NOL6: variants seen among roughly 807,000 people sequenced by gnomAD.
The protein encoded by NOL6 is nucleolar RNA-associated protein.
NOL6 carries 33 observed loss-of-function variants against 131.7 expected under a neutral mutation model. That is an observed-to-expected ratio of 0.25 (90% CI 0.19 to 0.33). The LOEUF (loss-of-function observed/expected upper bound fraction) is 0.33. NOL6 is among the 10% of genes least tolerant of loss of function. The pLI is 1.00. For missense variants in NOL6, 1,297 were observed against 1,494.5 expected, an observed-to-expected ratio of 0.87 and a Z score of 2.18; for synonymous variants, 580 against 605.7, an observed-to-expected ratio of 0.96 and a Z score of 0.62.
intron 15 of NOL6, 66 bp from the exon 16 acceptor site, chr9:33,466,775 C>T: frequency 6.3e-7 from 1 of 1,594,622 alleles, no homozygotes; most frequent in African/African-American, 1.3e-5. Flanking sequence ...GGATTCTGCC[C>T]CAGCTCAGGC....
chr9:33,471,153 C>T (rs1205644480), intron 3 of NOL6, among the ~76,000 whole-genome samples: 1 of 152,190 alleles, frequency 6.6e-6, no homozygotes, highest in East Asian at 1.9e-4. Context: ...ATCCCAGCTA[C>T]TCGGGAGGCT....
In NOL6 at chr9:33,462,669, C is replaced by G. The variant is rs763172241; in HGVS notation, c.3436G>C (p.Val1146Leu). The change falls in exon 26 of 26, where the codon GTG becomes CTG. Residue 1146 changes from valine to leucine, a missense_variant. Val to Leu is a conservative substitution (Grantham distance 32). Transcript: ENST00000297990. ...TVEARSERWT[V>L] ...AGCTTGCTCCAGAGCTGGGATCACA[C>G]AGTCCACCTCTCACTTCGGGCCTCC... 2 of 1,613,968 alleles carry G rather than the reference C, an allele frequency of 1.2e-6. No individual in the cohort carries two copies. The highest frequency in any genetic ancestry group is 1.3e-5 in the African/African-American group (1 of 74,938).
At chr9:33,465,119 A>C in intron 20 of NOL6, 88 bp downstream of exon 20, 1 of 1,509,506 alleles carries the variant, frequency 6.6e-7, no homozygotes, top group Non-Finnish European at 9.0e-7. Flanking sequence ...TCAACCACCC[A>C]TTCCCATGTA....
In NOL6 at chr9:33,469,190, C is replaced by T. The variant is rs781755182; in HGVS notation, c.862+17G>A. On this transcript the variant is annotated intron_variant, in intron 6 of 25. Transcript: ENST00000297990. Reference sequence around the variant, plus strand: ...CCTCTTCCCTCCAGCTCCACCTCAACACCAGGGCCTGCTCACCATCCCCTG... The same window carrying T: ...CCTCTTCCCTCCAGCTCCACCTCAATACCAGGGCCTGCTCACCATCCCCTG... 2 of 1,614,190 alleles carry T rather than the reference C, an allele frequency of 1.2e-6. No individual in the cohort carries two copies. The highest frequency in any genetic ancestry group is 3.3e-5 in the Admixed American group (2 of 60,034).
At chr9:33,464,182 T>C in intron 21 of NOL6, 21 bp from the exon 22 acceptor site, 1 of 1,587,896 alleles carries the variant, frequency 6.3e-7, no homozygotes, top group Non-Finnish European at 8.6e-7. Flanking sequence ...GAATGGGTCC[T>C]GGGTCAGCCT....
intron 9 of NOL6, 31 bp downstream of exon 9, chr9:33,468,477 C>T (rs2119023369): frequency 6.2e-7 from 1 of 1,613,916 alleles, no homozygotes; most frequent in African/African-American, 1.3e-5. Flanking sequence ...TGCAGGCCTC[C>T]TGGCATAGAC....
In NOL6 at chr9:33,472,676, A is replaced by T. The variant is rs903251115; in HGVS notation, c.55-264T>A. ...TCTGTTTGGAATTGGTAGTGATAGA[A>T]GCTGACTGGGCCCAGGCTGGACACG... On this transcript the variant is annotated intron_variant, in intron 1 of 25. Transcript: ENST00000297990. The T allele has an allele frequency of 1.9e-5, 10 of 520,852 alleles. No individual in the cohort carries two copies. The South Asian group carries it at 2.1e-4, about 11-fold the overall frequency. The allele number at this position is 520,852 out of a possible 1,614,324, so 32.3% of individuals were successfully genotyped here. A position where few individuals can be genotyped will look rare whatever the true frequency, so the allele number is the denominator to read the frequency against.
At position 33,464,933 on chromosome 9, in the gene NOL6, T is replaced by C. The variant is rs759450339; in HGVS notation, c.2725A>G (p.Thr909Ala). ...GFLRFLFLVS[T>A]FDWKNNPLFV... ...AGGGGGTTGTTCTTCCAATCAAACG[T>C]TGATACCAAGAAAAGGAATCGAAGG... is the stretch of plus-strand genomic sequence containing the variant. Residue 909 changes from threonine (T) to alanine (A), a missense_variant, in exon 21 of 26, where the codon ACG (threonine) becomes GCG (alanine). Thr to Ala is a moderately conservative substitution (Grantham distance 58, BLOSUM62 0). Transcript: ENST00000297990. 6.8e-6 allele frequency: 11 copies of C among 1,613,934 alleles called. No individual in the cohort carries two copies. The African/African-American group carries it at 1.2e-4, about 18-fold the overall frequency.
At chr9:33,469,390 G>A (rs779139845) in intron 5 of NOL6, 49 bp from the exon 6 acceptor site, 1 of 1,612,300 alleles carries the variant, frequency 6.2e-7, no homozygotes, top group Non-Finnish European at 8.5e-7. Flanking sequence ...CTTGGAGCCA[G>A]AGGGCTCCCC....
At chr9:33,473,111 T>C (rs1004461052) in intron 1 of NOL6, among the ~76,000 whole-genome samples, 3 of 152,020 alleles carry the variant, frequency 2.0e-5, no homozygotes, top group African/African-American at 7.2e-5. Context: ...TCCAACCAAA[T>C]CCTGCCAGGT....
Position 33,461,850 on chromosome 9 carries a change from C to T in NOL6, c.*814G>A. On this transcript the variant is annotated 3_prime_UTR_variant, in exon 26 of 26. Coordinates refer to ENST00000297990, the MANE Select transcript of NOL6 (RefSeq NM_022917.5). ...GAGGCAGCATTCTCCTCCTTGGGCC[C>T]TGGGAGCTCCTGGGGAGTAAGACTT... The T allele has an allele frequency of 3.2e-6, 1 of 311,074 alleles. No homozygotes were observed. The highest frequency in any genetic ancestry group is 6.5e-5 in the South Asian group (1 of 15,360). 19.3% of individuals were successfully genotyped at this position (311,074 alleles called of 1,614,324 possible). A position where few individuals can be genotyped will look rare whatever the true frequency, so the allele number is the denominator to read the frequency against.
chr9:33,467,805 C>T lies in NOL6; in HGVS notation c.1488G>A (p.Gln496=), dbSNP rs1329604655. The change falls in exon 12 of 26, where the codon CAG becomes CAA. Residue 496 remains glutamine, a synonymous_variant. Transcript: ENST00000297990. This position sits in a 1 kb window ranked among gnomAD's most constrained non-coding sequence, Gnocchi z 4.4. ...CTGAGACATAGTCCCCACCATTGTC[C>T]TGCAGCTCTGGCCAGAGCTTCAGCC... ...CHRLKLWPEL[Q]DNGGDYVSAA... is the part of the protein sequence containing the mutation. The T allele has an allele frequency of 1.2e-6, 2 of 1,610,770 alleles. No individual in the cohort carries two copies. Among genetic ancestry groups the T allele is most frequent in the African/African-American group, 1.3e-5 (1 of 74,808 alleles).
Position 33,462,937 on chromosome 9 carries a change from C to T in NOL6, c.3291+96G>A, listed in dbSNP as rs138997719. ...AAGCCCATACACTCCGCACCTGACA[C>T]GGGTTTGCCCATAGGACAGACTACA... On this transcript the variant is annotated intron_variant, in intron 25 of 25. Transcript: ENST00000297990. The T allele has an allele frequency of 2.5e-4, 388 of 1,535,960 alleles. 1 individual carries two copies. In the East Asian group the frequency reaches 6.9e-3, roughly 27 times the overall value.
Position 33,465,247 on chromosome 9 carries a change from C to T in NOL6, c.2641G>A (p.Ala881Thr), listed in dbSNP as rs1452102459. The T allele has an allele frequency of 6.9e-6, 11 of 1,597,796 alleles. No homozygotes were observed. Among genetic ancestry groups the T allele is most frequent in the East Asian group, 2.3e-5 (1 of 44,318 alleles). ...FADESLDLVA[A>T]ALFLHPEPFT... ...GGCTCAGGGTGCAGGAAAAGGGCAGCGGCCACCAGATCCAGGCTCTCATCA... is the reference window on the plus strand; with the variant it reads ...GGCTCAGGGTGCAGGAAAAGGGCAGTGGCCACCAGATCCAGGCTCTCATCA... Residue 881 changes from alanine to threonine, a missense_variant, in exon 20 of 26, where the codon GCT becomes ACT. Physicochemically the swap from Ala to Thr is moderately conservative, Grantham distance 58. Coordinates refer to ENST00000297990, the MANE Select transcript of NOL6 (RefSeq NM_022917.5).
intron 3 of NOL6, 25 bp from the exon 4 acceptor site, chr9:33,470,216 A>T: frequency 6.6e-7 from 1 of 1,513,432 alleles, no homozygotes; most frequent in African/African-American, 1.4e-5. Flanking sequence ...ACAGGGACAC[A>T]TACTGATTCA....
In NOL6 at chr9:33,468,054, A is replaced by C; in HGVS notation, c.1400T>G (p.Ile467Ser). 4 of 1,614,080 alleles carry C rather than the reference A, an allele frequency of 2.5e-6. No individual in the cohort carries two copies. Among genetic ancestry groups the C allele is most frequent in the Non-Finnish European group, 3.4e-6 (4 of 1,180,028 alleles). Residue 467 changes from isoleucine to serine, a missense_variant, in exon 11 of 26, where the codon ATC becomes AGC. Coordinates refer to ENST00000297990, the MANE Select transcript of NOL6 (RefSeq NM_022917.5). ...HLLLMTPKPM[I>S]RAFDHVLHLR... is the part of the protein sequence containing the mutation. ...CTGCAGGACATGGTCAAAAGCCCGG[A>C]TCATGGGTTTGGGAGTCATCAACAG...
intron 21 of NOL6, among the ~76,000 whole-genome samples, chr9:33,464,671 C>A (rs2785211): frequency 0.023 from 3,477 of 152,270 alleles, 122 homozygotes; most frequent in African/African-American, 0.079. Context: ...AGGTAGCTTG[C>A]TTACCACCCT....
chr9:33,463,170 G>C lies in NOL6; in HGVS notation c.3190-36C>G. 1.9e-6 allele frequency: 3 copies of C among 1,607,118 alleles called. No homozygotes were observed. In the South Asian group the frequency reaches 3.3e-5, roughly 18 times the overall value. Reference sequence around the variant, plus strand: ...ACAGAACAGAGAAGATTATAGGCAGGCATTTAAGAGCTCCTCCACAGCCTC... The same window carrying C: ...ACAGAACAGAGAAGATTATAGGCAGCCATTTAAGAGCTCCTCCACAGCCTC... On this transcript the variant is annotated intron_variant, in intron 24 of 25. Coordinates refer to ENST00000297990, the MANE Select transcript of NOL6 (RefSeq NM_022917.5).
chr9:33,468,975 G>A lies in NOL6; in HGVS notation c.1009C>T (p.Gln337Ter). The A allele has an allele frequency of 6.2e-7, 1 of 1,614,142 alleles. No homozygotes were observed. Among genetic ancestry groups the A allele is most frequent in the Non-Finnish European group, 8.5e-7 (1 of 1,180,018 alleles). Residue 337 changes from glutamine to a stop codon, truncating the protein, a stop_gained, in exon 7 of 26, where the codon CAG becomes TAG. Transcript: ENST00000297990. LOFTEE classifies it high-confidence loss of function. Reference protein sequence around the residue: ...GVALLKVWLRQRELDKGQGGF... With the variant: ...GVALLKVWLR Reference sequence around the variant, plus strand: ...CAACTCACCTTGTCCAGCTCCCGCTGCCGCAGCCAGACCTTCAGAAGTGCC... The same window carrying A: ...CAACTCACCTTGTCCAGCTCCCGCTACCGCAGCCAGACCTTCAGAAGTGCC...
Sources: allele counts gnomAD v4.1 joint callset (sites outside exome capture counted in the v4.1 genomes callset), GRCh38; gene constraint gnomAD v4.1.1; non-coding constraint Gnocchi (gnomAD v3.1); transcripts MANE v1.5; gene names NCBI Gene and HGNC (gene_info 2026-07-23, HGNC 2026-07-21).